ZNF35: variants seen among roughly 807,000 people sequenced by gnomAD.
ZNF35 encodes the protein zinc finger protein 35 (clone HF.10).
In ZNF35, 31 loss-of-function variants were observed where a neutral mutation model predicts 45.9. That is an observed-to-expected ratio of 0.68 (90% CI 0.51 to 0.91). The LOEUF (loss-of-function observed/expected upper bound fraction) is 0.91, where lower values mean the gene tolerates loss of function less well. ZNF35 is among the 40% of genes least tolerant of loss of function. The pLI, the probability that ZNF35 is intolerant of heterozygous loss-of-function variation, is 0.00. For synonymous variants in ZNF35, 205 were observed against 220.2 expected (o/e 0.93, Z 0.61); for missense variants, 515 against 625.4 (o/e 0.82, Z 1.88).
intron 3 of ZNF35, among the ~76,000 whole-genome samples, chr3:44,653,385 A>C (rs1703240226): frequency 6.6e-6 from 1 of 152,152 alleles, no homozygotes; most frequent in Admixed American, 6.5e-5. Flanking sequence ...AGGTGTATTT[A>C]CCATACAATA....
At chr3:44,657,638 CATG>C (rs967742278) in intron 3 of ZNF35, among the ~76,000 whole-genome samples, 8 of 152,212 alleles carry the variant, frequency 5.3e-5, no homozygotes, top group South Asian at 2.1e-4. Context: ...TTGAAGTTCT[CATG>C]ATATTTTCTG....
At chr3:44,657,119 T>C (rs1703323710) in intron 3 of ZNF35, among the ~76,000 whole-genome samples, 1 of 152,204 alleles carries the variant, frequency 6.6e-6, no homozygotes, top group Non-Finnish European at 1.5e-5. Flanking sequence ...CAGATTACCA[T>C]AGTCTTAACC....
Position 44,657,369 on chromosome 3 carries a change from C to T in ZNF35, c.338-1332C>T, listed in dbSNP as rs554078018. Among the ~76,000 whole-genome samples, 614 of 152,338 alleles carry T rather than the reference C, an allele frequency of 4.0e-3. 3 individuals carry two copies. The highest frequency in any genetic ancestry group is 0.014 in the African/African-American group (579 of 41,568). ...ACCTCCCTCCTCTACAGGCTTGCCACCCATTCCTGTTACCCTTTATTTCAC... is the reference window on the plus strand; with the variant it reads ...ACCTCCCTCCTCTACAGGCTTGCCATCCATTCCTGTTACCCTTTATTTCAC... On this transcript the variant is annotated intron_variant, in intron 3 of 3. Transcript: ENST00000396056.
Position 44,658,983 on chromosome 3 carries a change from C to G in ZNF35, c.620C>G (p.Ser207Cys). 6.2e-7 allele frequency: 1 copy of G among 1,614,134 alleles called. No homozygotes were observed. Residue 207 changes from serine to cysteine, a missense_variant, in exon 4 of 4, where the codon TCT (serine) becomes TGT (cysteine). This residue lies in a region of ZNF35 where 275 missense variants were observed against 295.7 expected (regional missense o/e 0.93). Coordinates refer to ENST00000396056, the MANE Select transcript of ZNF35 (RefSeq NM_003420.4). Reference sequence around the variant, plus strand: ...TCTGGAGGAAAATATAGCCTTAATTCTGGCGCTGTTAAAAATCCAAAAACC... The same window carrying G: ...TCTGGAGGAAAATATAGCCTTAATTGTGGCGCTGTTAAAAATCCAAAAACC... ...KKSGGKYSLN[S>C]GAVKNPKTQL...
At position 44,658,837 on chromosome 3, in the gene ZNF35, G is replaced by T; in HGVS notation, c.474G>T (p.Lys158Asn). ...QGPELGEACE[K>N]GNMLKRQRIK... ...CTGAGTTAGGAGAAGCTTGTGAAAA[G>T]GGAAACATGTTAAAGAGGCAGAGAA... The change falls in exon 4 of 4, where the codon AAG (lysine) becomes AAT (asparagine). Residue 158 changes from lysine (K) to asparagine (N), a missense_variant. Coordinates refer to ENST00000396056, the MANE Select transcript of ZNF35 (RefSeq NM_003420.4). 3 of 1,613,622 alleles carry T rather than the reference G, an allele frequency of 1.9e-6. No homozygotes were observed. The highest frequency in any genetic ancestry group is 1.1e-5 in the South Asian group (1 of 90,860).
chr3:44,654,836 A>ATT (rs1559484099), intron 3 of ZNF35, among the ~76,000 whole-genome samples: 1 of 152,134 alleles, frequency 6.6e-6, no homozygotes, highest in East Asian at 1.9e-4. Flanking sequence ...TACAGATTAA[A>ATT]TTTTTTAAAC....
rs765284432 is a variant in ZNF35 at position 44,659,561 on chromosome 3, AGTT to A, written c.1202_1204del (p.Cys401del). The A allele has an allele frequency of 1.3e-5, 21 of 1,614,068 alleles. No homozygotes were observed. Among genetic ancestry groups the A allele is most frequent in the South Asian group, 2.2e-5 (2 of 91,078 alleles). On this transcript the variant is annotated inframe_deletion, in exon 4 of 4. Transcript: ENST00000396056. The surrounding 1 kb of genome is among the most constrained non-coding windows in gnomAD (Gnocchi z 4.3). ...GTGTAAAGAGTGTGGGAAAGCCTTTAGTTGTTTTTCACACCTTATTGTGCACCA... is the reference window on the plus strand; with the variant it reads ...GTGTAAAGAGTGTGGGAAAGCCTTTAGTTTTTCACACCTTATTGTGCACCA...
At chr3:44,647,631 CTT>C (rs1367968595), upstream of ZNF35, 1 of 152,110 alleles carries the variant, frequency 6.6e-6, no homozygotes, top group South Asian at 2.1e-4. Context: ...ATAAAATTGA[CTT>C]ATTGATATCC....
chr3:44,650,042 G>C (rs1338793830), intron 1 of ZNF35, among the ~76,000 whole-genome samples: 4 of 151,610 alleles, frequency 2.6e-5, no homozygotes, highest in Non-Finnish European at 5.9e-5. Flanking sequence ...AATGGGTTAG[G>C]ACTCCCATCT....
chr3:44,659,787 C>T lies in ZNF35; in HGVS notation c.1424C>T (p.Thr475Ile). ...ATTCATAATGGAGAAAAACCTTACA[C>T]ATGTAATGAGTGTGGGAAGGCCTTC... is the stretch of plus-strand genomic sequence containing the variant. ...QRIHNGEKPY[T>I]CNECGKAFRQ... is the part of the protein sequence containing the mutation. The change falls in exon 4 of 4, where the codon ACA (threonine) becomes ATA (isoleucine). Residue 475 changes from threonine (T) to isoleucine (I), a missense_variant. By Grantham distance (89) the Thr-to-Ile change is moderately conservative (BLOSUM62 -1). Transcript: ENST00000396056. This position sits in a 1 kb window ranked among gnomAD's most constrained non-coding sequence, Gnocchi z 4.3. 6.2e-7 allele frequency: 1 copy of T among 1,610,104 alleles called. No individual in the cohort carries two copies. Among genetic ancestry groups the T allele is most frequent in the South Asian group, 1.1e-5 (1 of 90,280 alleles).
rs781021867 is a variant in ZNF35 at position 44,659,159 on chromosome 3, G to A, written c.796G>A (p.Val266Ile). 2.5e-5 allele frequency: 41 copies of A among 1,613,514 alleles called. No homozygotes were observed. The highest frequency in any genetic ancestry group is 1.1e-4 in the East Asian group (5 of 44,844). ...GGCCTTCATTCAGAGTGCAAACCTCGTTGTGCATCAGAGAATCCACACTGG... is the reference window on the plus strand; with the variant it reads ...GGCCTTCATTCAGAGTGCAAACCTCATTGTGCATCAGAGAATCCACACTGG... ...GKAFIQSANL[V>I]VHQRIHTGQK... Residue 266 changes from valine to isoleucine, a missense_variant, in exon 4 of 4, where the codon GTT becomes ATT. Val to Ile is a conservative substitution (Grantham distance 29, BLOSUM62 3). This residue lies in a region of ZNF35 where 8 missense variants were observed against 25.1 expected (regional missense o/e 0.32). Coordinates refer to ENST00000396056, the MANE Select transcript of ZNF35 (RefSeq NM_003420.4). This position sits in a 1 kb window ranked among gnomAD's most constrained non-coding sequence, Gnocchi z 4.3.
At chr3:44,656,856 C>T (rs1157776172) in intron 3 of ZNF35, among the ~76,000 whole-genome samples, 4 of 149,552 alleles carry the variant, frequency 2.7e-5, no homozygotes, top group Non-Finnish European at 4.4e-5. Flanking sequence ...CACCACCACA[C>T]CTGGCTAATT....
chr3:44,658,728 T>A lies in ZNF35; in HGVS notation c.365T>A (p.Leu122Gln). ...GCTGAAACCAAGAACCTACAGTTACTGGTTCCAAAAACTGAGATATGTGAG... is the reference window on the plus strand; with the variant it reads ...GCTGAAACCAAGAACCTACAGTTACAGGTTCCAAAAACTGAGATATGTGAG... ...LGAETKNLQL[L>Q]VPKTEICEEA... The change falls in exon 4 of 4, where the codon CTG becomes CAG. Residue 122 changes from leucine (L) to glutamine (Q), a missense_variant. Around this residue, in one of 3 missense-constraint regions of ZNF35, gnomAD observed 275 missense variants for 295.7 expected, o/e 0.93. Transcript: ENST00000396056. 1 of 1,579,284 alleles carries A rather than the reference T, an allele frequency of 6.3e-7. No homozygotes were observed. Among genetic ancestry groups the A allele is most frequent in the Non-Finnish European group, 8.5e-7 (1 of 1,170,746 alleles).
At chr3:44,654,841 T>G (rs1396807901) in intron 3 of ZNF35, among the ~76,000 whole-genome samples, 1 of 152,192 alleles carries the variant, frequency 6.6e-6, no homozygotes, top group East Asian at 1.9e-4. Context: ...ATTAAATTTT[T>G]TAAACATTTT....
rs1193444205 is a variant in ZNF35, at chr3:44,659,664, T to C, written c.1301T>C (p.Ile434Thr). 6 of 1,614,104 alleles carry C rather than the reference T, an allele frequency of 3.7e-6. No homozygotes were observed. Among genetic ancestry groups the C allele is most frequent in the Non-Finnish European group, 4.2e-6 (5 of 1,180,046 alleles). The change falls in exon 4 of 4, where the codon ATT (isoleucine) becomes ACT (threonine). Residue 434 changes from isoleucine to threonine, a missense_variant. This residue lies in a region of ZNF35 where 232 missense variants were observed against 304.6 expected (regional missense o/e 0.76). Coordinates refer to ENST00000396056, the MANE Select transcript of ZNF35 (RefSeq NM_003420.4). The surrounding 1 kb of genome is among the most constrained non-coding windows in gnomAD (Gnocchi z 4.3). ...GCCTTCAGTCAGCTCTCTTGCCTTA[T>C]TGTCCACCAGAGAATTCACAGTGGA... is the stretch of plus-strand genomic sequence containing the variant. Reference protein sequence around the residue: ...GKAFSQLSCLIVHQRIHSGDL... With the variant: ...GKAFSQLSCLTVHQRIHSGDL...
intron 3 of ZNF35, 118 bp from the exon 4 acceptor site, chr3:44,658,583 T>G: frequency 8.8e-7 from 1 of 1,130,912 alleles, no homozygotes; most frequent in Non-Finnish European, 1.3e-6. Context: ...TTCTCTTCTT[T>G]GATGAAGCCA....
chr3:44,649,289 G>T (rs1454341640), intron 1 of ZNF35, among the ~76,000 whole-genome samples: 1 of 152,150 alleles, frequency 6.6e-6, no homozygotes, highest in Non-Finnish European at 1.5e-5. Flanking sequence ...GATTGAATTC[G>T]GATAGTGATG....
intron 1 of ZNF35, among the ~76,000 whole-genome samples, chr3:44,649,963 C>G (rs1410091320): frequency 6.6e-6 from 1 of 151,800 alleles, no homozygotes; most frequent in Non-Finnish European, 1.5e-5. Context: ...CTGTGATGAT[C>G]TAAAGTATGT....
intron 3 of ZNF35, among the ~76,000 whole-genome samples, chr3:44,656,169 GTA>G (rs1193134773): frequency 6.6e-6 from 1 of 151,996 alleles, no homozygotes; most frequent in African/African-American, 2.4e-5. Flanking sequence ...GCATGAAACT[GTA>G]TATGGAAAAA....
Sources: allele counts gnomAD v4.1 joint callset (sites outside exome capture counted in the v4.1 genomes callset), GRCh38; gene constraint gnomAD v4.1.1; regional missense constraint gnomAD v4.1.1; non-coding constraint Gnocchi (gnomAD v3.1); transcripts MANE v1.5; gene names NCBI Gene and HGNC (gene_info 2026-07-23, HGNC 2026-07-21).